PTCD2: variants seen among roughly 807,000 people sequenced by gnomAD.
PTCD2 encodes pentatricopeptide repeat-containing protein 2, mitochondrial.
Under a neutral mutation model 42.6 loss-of-function variants are expected in PTCD2, and 31 were observed. The ratio of observed to expected loss-of-function variants is 0.73; its 90% CI spans 0.55 to 0.98. The LOEUF (loss-of-function observed/expected upper bound fraction) is 0.98, where lower values mean the gene tolerates loss of function less well. Among genes scored for constraint, PTCD2 ranks in the 50% least tolerant of loss-of-function variants. The pLI is 0.00. For missense variants in PTCD2, 476 were observed against 454.8 expected (o/e 1.05, Z -0.42); for synonymous variants, 183 against 170.9 (o/e 1.07, Z -0.55).
intron 5 of PTCD2, chr5:72,335,415 G>A (rs1209364859): frequency 4.6e-6 from 1 of 217,720 alleles, no homozygotes; most frequent in Non-Finnish European, 8.8e-6. Flanking sequence ...CGCCACTGCA[G>A]TCCGCAGTCC....
intron 4 of PTCD2, among the ~76,000 whole-genome samples, chr5:72,334,207 CA>C (rs1751600762): frequency 6.6e-6 from 1 of 152,054 alleles, no homozygotes; most frequent in Non-Finnish European, 1.5e-5. Flanking sequence ...TAAATACATA[CA>C]GACAAGTTGG....
At chr5:72,327,996 A>G (rs998193994) in intron 3 of PTCD2, among the ~76,000 whole-genome samples, 3 of 152,200 alleles carry the variant, frequency 2.0e-5, no homozygotes, top group South Asian at 2.1e-4. Context: ...TTATAACATG[A>G]AAAAAATGTC....
In PTCD2 at chr5:72,320,746, C is replaced by T. The variant is rs1182722351; in HGVS notation, c.127+237C>T. Reference sequence around the variant, plus strand: ...ATTGACCTTGGGGCTGTAGTGCTCCCTCAGATGGGGCGACGTTCGTCTTCA... The same window carrying T: ...ATTGACCTTGGGGCTGTAGTGCTCCTTCAGATGGGGCGACGTTCGTCTTCA... On this transcript the variant is annotated intron_variant, in intron 1 of 9. Transcript: ENST00000380639. 6 of 535,044 alleles carry T rather than the reference C, an allele frequency of 1.1e-5. No homozygotes were observed. The South Asian group carries it at 1.3e-4, about 11-fold the overall frequency. 33.1% of individuals were successfully genotyped at this position (535,044 alleles called of 1,614,324 possible).
intron 4 of PTCD2, among the ~76,000 whole-genome samples, chr5:72,333,885 G>T (rs571869849): frequency 6.6e-6 from 1 of 152,148 alleles, no homozygotes; most frequent in East Asian, 1.9e-4. Flanking sequence ...ACAGGGTCTT[G>T]CTCCGTCACC....
chr5:72,340,676 A>C (rs1233648291), intron 7 of PTCD2, among the ~76,000 whole-genome samples: 1 of 152,116 alleles, frequency 6.6e-6, no homozygotes, highest in Non-Finnish European at 1.5e-5. Context: ...TTGGTATTTT[A>C]AATTATTTTA....
At position 72,322,767 on chromosome 5, in the gene PTCD2, A is replaced by T. The variant is rs576323257; in HGVS notation, c.220+503A>T. ...AAATCAAATGAAACAAAACAGTACT[A>T]TGTGTGATGATACATTTGGTATTTT... On this transcript the variant is annotated intron_variant, in intron 2 of 9. Transcript: ENST00000380639. 2.0e-5 allele frequency among the ~76,000 whole-genome samples: 3 copies of T among 152,350 alleles called. No individual in the cohort carries two copies. The South Asian group carries it at 6.2e-4, about 32-fold the overall frequency.
intron 2 of PTCD2, among the ~76,000 whole-genome samples, chr5:72,322,983 C>T (rs1008760201): frequency 2.0e-5 from 3 of 152,100 alleles, no homozygotes; most frequent in Non-Finnish European, 4.4e-5. Context: ...GACCTCATCT[C>T]TACAAATTTT....
chr5:72,338,299 A>T (rs1751863636), intron 6 of PTCD2, among the ~76,000 whole-genome samples: 1 of 152,254 alleles, frequency 6.6e-6, no homozygotes. Flanking sequence ...CAGAACCTTT[A>T]TACTCATAAA....
Position 72,338,727 on chromosome 5 carries a change from C to T in PTCD2, c.745C>T (p.Leu249=), listed in dbSNP as rs1264648484. 1 of 1,588,816 alleles carries T rather than the reference C, an allele frequency of 6.3e-7. No individual in the cohort carries two copies. The part of the protein sequence containing the change: ...RASCFAVALA[L]NQNEMAKAVS... ...ATCCTGTTTCGCTGTGGCATTAGCT[C>T]TGAATCAGGTAAAGCCTTGTGGTGT... Residue 249 remains leucine (L), a synonymous_variant, in exon 7 of 10, where the codon CTG becomes TTG. Coordinates refer to ENST00000380639, the MANE Select transcript of PTCD2 (RefSeq NM_024754.5).
In PTCD2 at chr5:72,367,016, A is replaced by C. The variant is rs1461599575; in HGVS notation, c.*8589A>C. On this transcript the variant is annotated 3_prime_UTR_variant, in exon 10 of 10. Transcript: ENST00000380639. ...ATCACATTTGTGTGTGAAAGAAGTAAAAAGGAATTAGGATCTTGGTTATTT... is the reference window on the plus strand; with the variant it reads ...ATCACATTTGTGTGTGAAAGAAGTACAAAGGAATTAGGATCTTGGTTATTT... 4 of 152,220 alleles carry C rather than the reference A, an allele frequency of 2.6e-5. No individual in the cohort carries two copies. The highest frequency in any genetic ancestry group is 9.6e-5 in the African/African-American group (4 of 41,462). 9.4% of individuals were successfully genotyped at this position (152,220 alleles called of 1,614,324 possible). A position where few individuals can be genotyped will look rare whatever the true frequency, so the allele number is the denominator to read the frequency against.
chr5:72,321,587 A>G (rs1452327281), intron 1 of PTCD2, among the ~76,000 whole-genome samples: 2 of 152,212 alleles, frequency 1.3e-5, no homozygotes, highest in African/African-American at 4.8e-5. Flanking sequence ...ATGCACAGCC[A>G]AGGATCCTAA....
intron 6 of PTCD2, among the ~76,000 whole-genome samples, chr5:72,338,120 AT>A (rs1201007991): frequency 2.6e-5 from 4 of 151,976 alleles, no homozygotes; most frequent in Admixed American, 2.6e-4. Context: ...ACATTCTTGG[AT>A]TTTTTTTTAA....
At position 72,360,801 on chromosome 5, in the gene PTCD2, C is replaced by T. The variant is rs1352165509; in HGVS notation, c.*2374C>T. 1 of 152,058 alleles carries T rather than the reference C, an allele frequency of 6.6e-6. No homozygotes were observed. Among genetic ancestry groups the T allele is most frequent in the Non-Finnish European group, 1.5e-5 (1 of 68,030 alleles). 9.4% of individuals were successfully genotyped at this position (152,058 alleles called of 1,614,324 possible). A position where few individuals can be genotyped will look rare whatever the true frequency, so the allele number is the denominator to read the frequency against. On this transcript the variant is annotated 3_prime_UTR_variant, in exon 10 of 10. Coordinates refer to ENST00000380639, the MANE Select transcript of PTCD2 (RefSeq NM_024754.5). ...CTGGGTTCAAGCAATTCTCATGCCC[C>T]AGCCTCCCAAGTAGCTGGGAATACA...
rs1015152306 is a variant in PTCD2 at position 72,360,228 on chromosome 5, G to A, written c.*1801G>A. On this transcript the variant is annotated 3_prime_UTR_variant, in exon 10 of 10. Transcript: ENST00000380639. ...CACATGCAAAAAAAAAAAAAAAAGT[G>A]CTTGGATTTCTCCACTTTCAGTCTT... 2 of 150,902 alleles carry A rather than the reference G, an allele frequency of 1.3e-5. No homozygotes were observed. Among genetic ancestry groups the A allele is most frequent in the African/African-American group, 4.9e-5 (2 of 41,006 alleles). 9.3% of individuals were successfully genotyped at this position (150,902 alleles called of 1,614,324 possible). A position where few individuals can be genotyped will look rare whatever the true frequency, so the allele number is the denominator to read the frequency against.
At position 72,364,545 on chromosome 5, in the gene PTCD2, G is replaced by A. The variant is rs534626154; in HGVS notation, c.*6118G>A. ...TACATTTGTTTTATATGACCCCAAG[G>A]TGCTTATGTAGCATATTATTTATAC... On this transcript the variant is annotated 3_prime_UTR_variant, in exon 10 of 10. Transcript: ENST00000380639. 6 of 152,242 alleles carry A rather than the reference G, an allele frequency of 3.9e-5. No individual in the cohort carries two copies. The East Asian group carries it at 1.2e-3, about 29-fold the overall frequency. The allele number at this position is 152,242 out of a possible 1,614,324, so 9.4% of individuals were successfully genotyped here.
chr5:72,329,191 C>G (rs190291942), intron 3 of PTCD2, among the ~76,000 whole-genome samples: 122 of 152,272 alleles, frequency 8.0e-4, no homozygotes, highest in African/African-American at 2.8e-3. Flanking sequence ...TTTACTGATG[C>G]TAATAAATCT....
At chr5:72,335,740 G>T in intron 5 of PTCD2, 54 bp from the exon 6 acceptor site, 1 of 1,156,392 alleles carries the variant, frequency 8.6e-7, no homozygotes, top group South Asian at 1.2e-5. Flanking sequence ...GAGAGCTTTG[G>T]GGGCCAACAG....
intron 8 of PTCD2, among the ~76,000 whole-genome samples, chr5:72,348,952 C>A (rs1752490482): frequency 6.6e-6 from 1 of 152,224 alleles, no homozygotes; most frequent in Admixed American, 6.5e-5. Flanking sequence ...GGAGACAGGA[C>A]TCATTTCTCA....
In PTCD2 at chr5:72,326,729, A is replaced by T. The variant is rs1035094580; in HGVS notation, c.338A>T (p.Asn113Ile). 6.2e-7 allele frequency: 1 copy of T among 1,614,026 alleles called. No homozygotes were observed. The highest frequency in any genetic ancestry group is 8.5e-7 in the Non-Finnish European group (1 of 1,179,924). The change falls in exon 3 of 10, where the codon AAT becomes ATT. Residue 113 changes from asparagine (N) to isoleucine (I), a missense_variant. Coordinates refer to ENST00000380639, the MANE Select transcript of PTCD2 (RefSeq NM_024754.5). ...CGGGACCATGTGGAACTGGCTAAAAATGTCATTTACAGGTGAGGCATTTCC... is the reference window on the plus strand; with the variant it reads ...CGGGACCATGTGGAACTGGCTAAAATTGTCATTTACAGGTGAGGCATTTCC... ...ESRDHVELAK[N>I]VIYRYHAENK... is the part of the protein sequence containing the mutation.
Sources: gnomAD v4.1 joint callset for allele counts (sites outside exome capture counted in the v4.1 genomes callset) on GRCh38, gnomAD v4.1.1 for gene constraint, MANE v1.5 for transcripts, NCBI Gene and HGNC (gene_info 2026-07-23, HGNC 2026-07-21) for gene names.